TF: variants seen among roughly 807,000 people sequenced by gnomAD.
TF encodes transferrin.
Under a neutral mutation model 82.4 loss-of-function variants are expected in TF, and 55 were observed. That is an observed-to-expected ratio of 0.67 (90% CI 0.54 to 0.84). The LOEUF (loss-of-function observed/expected upper bound fraction) is 0.84, where lower values mean the gene tolerates loss of function less well. Among genes scored for constraint, TF ranks in the 40% least tolerant of loss-of-function variants. The pLI, the probability that TF is intolerant of heterozygous loss-of-function variation, is 0.00. For synonymous variants in TF, 332 were observed against 332.6 expected (o/e 1.00, Z 0.02); for missense variants, 737 against 868.4 (o/e 0.85, Z 1.90).
the TF span, among the ~76,000 whole-genome samples, chr3:133,736,829 G>A: frequency 6.6e-6 from 1 of 152,024 alleles, no homozygotes; most frequent in Non-Finnish European, 1.5e-5. Context: ...CAAGTTCTTA[G>A]GGACGGACAA....
At chr3:133,677,040 A>G in the TF span, among the ~76,000 whole-genome samples, 78 of 152,346 alleles carry the variant, frequency 5.1e-4, no homozygotes, top group Middle Eastern at 3.4e-3. Context: ...TGAATAAAAA[A>G]GACCAAAGGG....
At chr3:133,744,493 C>A (rs1480797807), upstream of TF, among the ~76,000 whole-genome samples, 1 of 152,238 alleles carries the variant, frequency 6.6e-6, no homozygotes, top group Non-Finnish European at 1.5e-5. Context: ...CATCTCACAT[C>A]CTTACCTCAA....
chr3:133,728,994 T>C, the TF span, among the ~76,000 whole-genome samples: 1 of 152,218 alleles, frequency 6.6e-6, no homozygotes, highest in Non-Finnish European at 1.5e-5. Flanking sequence ...CGAATGCTGC[T>C]GTCTGATCGT....
chr3:133,715,141 G>T, the TF span, among the ~76,000 whole-genome samples: 1 of 152,008 alleles, frequency 6.6e-6, no homozygotes, highest in South Asian at 2.1e-4. Flanking sequence ...CCCTTTAAGT[G>T]ATGAGGACCT....
the TF span, among the ~76,000 whole-genome samples, chr3:133,695,505 C>G: frequency 6.6e-6 from 1 of 152,138 alleles, no homozygotes; most frequent in African/African-American, 2.4e-5. Context: ...TTTTGTCTCC[C>G]AAAGTGCTGG....
chr3:133,672,278 C>T, the TF span, among the ~76,000 whole-genome samples: 13 of 151,950 alleles, frequency 8.6e-5, no homozygotes, highest in South Asian at 4.2e-4. Context: ...TGAGGCCTTC[C>T]GAACATTTAA....
At chr3:133,670,554 CTG>C in the TF span, among the ~76,000 whole-genome samples, 3 of 152,100 alleles carry the variant, frequency 2.0e-5, no homozygotes, top group Non-Finnish European at 2.9e-5. Context: ...TGGATTTAGG[CTG>C]TGTTAGTTTT....
intron 5 of TF, 43 bp from the exon 6 acceptor site, chr3:133,756,239 G>T (rs754221343): frequency 6.9e-6 from 11 of 1,599,896 alleles, no homozygotes; most frequent in Admixed American, 3.4e-5. Flanking sequence ...CAGGAGAAGG[G>T]CCTGCCCTGC....
Position 133,784,995 on chromosome 3 carries a change from TG to T in TF, c.*6382del, listed in dbSNP as rs562858179. 3 of 71,154 alleles carry T rather than the reference TG, an allele frequency of 4.2e-5. No individual in the cohort carries two copies. The highest frequency in any genetic ancestry group is 1.8e-4 in the Admixed American group (1 of 5,514). 4.4% of individuals were successfully genotyped at this position (71,154 alleles called of 1,614,324 possible). A position where few individuals can be genotyped will look rare whatever the true frequency, so the allele number is the denominator to read the frequency against. On this transcript the variant is annotated 3_prime_UTR_variant, in exon 17 of 17. Coordinates refer to ENST00000402696, the MANE Select transcript of TF (RefSeq NM_001063.4). ...CCAGCCGCCCCGTCCGGGAGGGAGG[TG>T]GGGGGGTCAGCCCCCCGCCCGGCCA...
chr3:133,685,552 C>A, the TF span, among the ~76,000 whole-genome samples: 1 of 152,142 alleles, frequency 6.6e-6, no homozygotes, highest in Non-Finnish European at 1.5e-5. Flanking sequence ...TTCCTATACA[C>A]CAATAACAGA....
rs916787379 is a variant in TF at position 133,782,961 on chromosome 3, G to A, written c.*4341G>A. Reference sequence around the variant, plus strand: ...GAGCCTGGGAGGTCGAGGCTGCAGTGAGCAGTGATTTGATCGTGCCACTGC... The same window carrying A: ...GAGCCTGGGAGGTCGAGGCTGCAGTAAGCAGTGATTTGATCGTGCCACTGC... On this transcript the variant is annotated 3_prime_UTR_variant, in exon 17 of 17. Coordinates refer to ENST00000402696, the MANE Select transcript of TF (RefSeq NM_001063.4). 1 of 152,172 alleles carries A rather than the reference G, an allele frequency of 6.6e-6. No homozygotes were observed. Among genetic ancestry groups the A allele is most frequent in the Admixed American group, 6.5e-5 (1 of 15,276 alleles). The allele number at this position is 152,172 out of a possible 1,614,324, so 9.4% of individuals were successfully genotyped here.
At position 133,757,762 on chromosome 3, in the gene TF, T is replaced by C. The variant is rs962031005; in HGVS notation, c.871-7T>C. On this transcript the variant is annotated splice_region_variant and splice_polypyrimidine_tract_variant and intron_variant, in intron 7 of 16. Coordinates refer to ENST00000402696, the MANE Select transcript of TF (RefSeq NM_001063.4). ...TGCCATCCACTATTCTGTTTTTCTA[T>C]GAACAGGAACATTTTGGCAAAGACA... 1 of 1,613,538 alleles carries C rather than the reference T, an allele frequency of 6.2e-7. No individual in the cohort carries two copies. Among genetic ancestry groups the C allele is most frequent in the Non-Finnish European group, 8.5e-7 (1 of 1,179,514 alleles).
intron 15 of TF, 23 bp from the exon 16 acceptor site, chr3:133,777,026 C>T (rs774406753): frequency 7.4e-6 from 12 of 1,612,324 alleles, no homozygotes; most frequent in Middle Eastern, 1.6e-4. Flanking sequence ...AAGGTCCTCA[C>T]GGACTTTCTG....
At chr3:133,696,425 G>A in the TF span, among the ~76,000 whole-genome samples, 3 of 152,092 alleles carry the variant, frequency 2.0e-5, no homozygotes, top group African/African-American at 2.4e-5. Flanking sequence ...GGTACTATCC[G>A]TGATTTCCGG....
the TF span, among the ~76,000 whole-genome samples, chr3:133,729,930 T>G: frequency 3.9e-5 from 6 of 152,222 alleles, no homozygotes; most frequent in Admixed American, 6.5e-5. Flanking sequence ...TGATCTTCCT[T>G]AAGATCAATA....
rs1254420633 is a variant in TF, at chr3:133,787,401, A to C, written c.*8781A>C. 1 of 152,236 alleles carries C rather than the reference A, an allele frequency of 6.6e-6. No homozygotes were observed. Among genetic ancestry groups the C allele is most frequent in the African/African-American group, 2.4e-5 (1 of 41,458 alleles). The allele number at this position is 152,236 out of a possible 1,614,324, so 9.4% of individuals were successfully genotyped here. A position where few individuals can be genotyped will look rare whatever the true frequency, so the allele number is the denominator to read the frequency against. ...GGACTGGTTCAAGGTCAAAATTGTC[A>C]TATTTAGAAGATACCTCCGATTATA... On this transcript the variant is annotated 3_prime_UTR_variant, in exon 17 of 17. Transcript: ENST00000402696.
intron 2 of TF, 131 bp downstream of exon 2, chr3:133,748,715 C>G (rs745473172): frequency 3.3e-5 from 40 of 1,213,690 alleles, no homozygotes; most frequent in African/African-American, 1.8e-4. Context: ...TTACTAAAAT[C>G]ACTTCAAAAG....
upstream of TF, among the ~76,000 whole-genome samples, chr3:133,741,548 G>A (rs1347700963): frequency 6.6e-6 from 1 of 152,136 alleles, no homozygotes; most frequent in African/African-American, 2.4e-5. Flanking sequence ...TATGATTTCT[G>A]TAGATTTTTA....
intron 9 of TF, 35 bp from the exon 10 acceptor site, chr3:133,764,147 C>G: frequency 6.3e-7 from 1 of 1,590,652 alleles, no homozygotes; most frequent in Admixed American, 1.7e-5. Flanking sequence ...GAAACAGCCT[C>G]TTTTCATCTG....
Sources: gnomAD v4.1 joint callset for allele counts (sites outside exome capture counted in the v4.1 genomes callset) on GRCh38, gnomAD v4.1.1 for gene constraint, MANE v1.5 for transcripts, NCBI Gene and HGNC (gene_info 2026-07-23, HGNC 2026-07-21) for gene names.